The following TRAK1 variants were observed in gnomAD, a reference collection of about 807,000 sequenced individuals.
The protein encoded by TRAK1 is trafficking kinesin protein 1.
Under a neutral mutation model 92.1 loss-of-function variants are expected in TRAK1, and 33 were observed. That is an observed-to-expected ratio of 0.36 (90% CI 0.27 to 0.48). TRAK1 has a LOEUF of 0.48. Ranked by LOEUF, TRAK1 falls within the 20% of genes least tolerant of loss-of-function variation. The pLI, the probability that TRAK1 is intolerant of heterozygous loss-of-function variation, is 0.99. For synonymous variants in TRAK1, 521 were observed against 517.3 expected, an observed-to-expected ratio of 1.01 and a Z score of -0.10; for missense variants, 1,123 against 1,257.9, an observed-to-expected ratio of 0.89 and a Z score of 1.62.
At chr3:42,151,569 C>G (rs563201611) in intron 2 of TRAK1, 60 of 293,750 alleles carry the variant, frequency 2.0e-4, no homozygotes, top group African/African-American at 1.3e-3. Flanking sequence ...ACTGGGACCA[C>G]TGGTATTTTC....
At chr3:42,172,725 T>G (rs1312291387) in intron 2 of TRAK1, among the ~76,000 whole-genome samples, 13 of 152,210 alleles carry the variant, frequency 8.5e-5, no homozygotes, top group Non-Finnish European at 1.9e-4. Context: ...AGTGCAGAGC[T>G]TGGTGCGTGG....
intron 1 of TRAK1, among the ~76,000 whole-genome samples, chr3:42,103,595 C>T (rs192950975): frequency 2.6e-5 from 4 of 152,060 alleles, no homozygotes; most frequent in African/African-American, 7.2e-5. Flanking sequence ...CGATGCTATT[C>T]GAGGGTACAC....
At chr3:42,154,795 C>G (rs1029166437) in intron 2 of TRAK1, among the ~76,000 whole-genome samples, 2 of 152,144 alleles carry the variant, frequency 1.3e-5, no homozygotes, top group African/African-American at 4.8e-5. Flanking sequence ...CGTGCCAACC[C>G]TGCTCTCTAG....
At chr3:42,176,915 A>G in intron 3 of TRAK1, 25 bp downstream of exon 3, 2 of 1,605,894 alleles carry the variant, frequency 1.2e-6, no homozygotes, top group Non-Finnish European at 8.5e-7. Flanking sequence ...GGAAGGCAAA[A>G]GAGTTGTTTA....
At chr3:42,038,049 C>A (rs1161999994) in intron 1 of TRAK1, among the ~76,000 whole-genome samples, 1 of 152,108 alleles carries the variant, frequency 6.6e-6, no homozygotes, top group Non-Finnish European at 1.5e-5. Flanking sequence ...AGGGATGCTA[C>A]CCTGAAGCTG....
chr3:42,097,467 C>A (rs1449831312), intron 1 of TRAK1, among the ~76,000 whole-genome samples: 1 of 152,124 alleles, frequency 6.6e-6, no homozygotes, highest in African/African-American at 2.4e-5. Flanking sequence ...TCTTTGCCAG[C>A]TGAGGTGTAT....
chr3:42,018,303 G>C (rs1387377406), intron 1 of TRAK1, among the ~76,000 whole-genome samples: 1 of 151,664 alleles, frequency 6.6e-6, no homozygotes, highest in Non-Finnish European at 1.5e-5. Flanking sequence ...GAGTCAAAAA[G>C]TGCTCTTAAG....
At chr3:42,192,793 G>T (rs191202985) in intron 7 of TRAK1, among the ~76,000 whole-genome samples, 51 of 152,294 alleles carry the variant, frequency 3.3e-4, no homozygotes, top group Admixed American at 9.2e-4. Flanking sequence ...TTGTTCTGGG[G>T]AGACAGCCTT....
intron 12 of TRAK1, among the ~76,000 whole-genome samples, 195 bp downstream of exon 12, chr3:42,201,249 A>G (rs1707508919): frequency 6.6e-6 from 1 of 152,196 alleles, no homozygotes; most frequent in Admixed American, 6.5e-5. Flanking sequence ...GCCTGAGCTC[A>G]GGAGTTTGAG....
chr3:42,147,230 A>G (rs970428267), intron 2 of TRAK1, among the ~76,000 whole-genome samples: 2 of 152,224 alleles, frequency 1.3e-5, no homozygotes, highest in Non-Finnish European at 2.9e-5. Flanking sequence ...TTAAATAGTC[A>G]CAAGTCCTAG....
chr3:42,212,362 G>A, intron 14 of TRAK1: 1 of 985,438 alleles, frequency 1.0e-6, no homozygotes, highest in South Asian at 4.7e-5. Flanking sequence ...TTGGAGACAG[G>A]AGGTGATGAA....
At chr3:42,161,025 T>A (rs1701219209) in intron 2 of TRAK1, among the ~76,000 whole-genome samples, 1 of 152,226 alleles carries the variant, frequency 6.6e-6, no homozygotes, top group African/African-American at 2.4e-5. Flanking sequence ...TTTAAAAAAA[T>A]TATTAATCAC....
At chr3:42,205,924 T>G (rs1463860083) in intron 13 of TRAK1, among the ~76,000 whole-genome samples, 1 of 152,240 alleles carries the variant, frequency 6.6e-6, no homozygotes, top group East Asian at 1.9e-4. Context: ...ACATGAAGTT[T>G]CCTCTCTTTC....
chr3:42,059,932 A>ATATT (rs138656722), intron 1 of TRAK1, among the ~76,000 whole-genome samples: 13,248 of 152,298 alleles, frequency 0.087, 619 homozygotes, highest in Non-Finnish European at 0.11. Flanking sequence ...CAATGATACA[A>ATATT]TAAAGCATGG....
chr3:42,073,741 T>C (rs1314654117), intron 1 of TRAK1, among the ~76,000 whole-genome samples: 2 of 152,218 alleles, frequency 1.3e-5, no homozygotes, highest in Non-Finnish European at 2.9e-5. Context: ...TATTTTCCAC[T>C]GCGCAGCCAC....
chr3:42,116,602 G>A (rs1239085900), intron 1 of TRAK1, among the ~76,000 whole-genome samples: 2 of 152,228 alleles, frequency 1.3e-5, no homozygotes, highest in Non-Finnish European at 2.9e-5. Context: ...AAGTGGCTGA[G>A]TAGGTGAGGA....
upstream of TRAK1, among the ~76,000 whole-genome samples, chr3:42,088,056 A>G (rs1204594532): frequency 6.6e-6 from 1 of 152,240 alleles, no homozygotes; most frequent in African/African-American, 2.4e-5. Context: ...GATGGTGTGC[A>G]TAACAGCAGC....
At chr3:42,024,279 C>T (rs1272119404) in intron 1 of TRAK1, among the ~76,000 whole-genome samples, 1 of 152,130 alleles carries the variant, frequency 6.6e-6, no homozygotes, top group Non-Finnish European at 1.5e-5. Flanking sequence ...CACAGGGTTA[C>T]TCTGCTGTGA....
intron 1 of TRAK1, 141 bp downstream of exon 1, chr3:42,091,701 GC>G: frequency 1.3e-6 from 1 of 762,168 alleles, no homozygotes; most frequent in Non-Finnish European, 2.0e-6. Flanking sequence ...TAGAGAAATT[GC>G]CATGTTGAAT....
Sources: allele counts gnomAD v4.1 joint callset (sites outside exome capture counted in the v4.1 genomes callset), GRCh38; gene constraint gnomAD v4.1.1; transcripts MANE v1.5; gene names NCBI Gene and HGNC (gene_info 2026-07-23, HGNC 2026-07-21).